THAP12: variants seen among roughly 807,000 people sequenced by gnomAD.
THAP12 encodes 52 kDa repressor of the inhibitor of the protein kinase.
In THAP12, 20 loss-of-function variants were observed where a neutral mutation model predicts 63.0. That is an observed-to-expected ratio of 0.32 (90% CI 0.22 to 0.46). THAP12 has a LOEUF of 0.46. Among genes scored for constraint, THAP12 ranks in the 20% least tolerant of loss-of-function variants. THAP12 has a pLI of 1.00. For missense variants in THAP12, 568 were observed against 908.2 expected (o/e 0.63, Z 4.81); for synonymous variants, 264 against 328.4 (o/e 0.80, Z 2.12).
intron 1 of THAP12, among the ~76,000 whole-genome samples, chr11:76,375,863 T>C (rs887891575): frequency 5.9e-5 from 9 of 152,194 alleles, no homozygotes; most frequent in East Asian, 1.9e-4. Context: ...ATGGAAACTA[T>C]CAAATACAGT....
chr11:76,379,620 C>T (rs897214649), intron 1 of THAP12, among the ~76,000 whole-genome samples: 1 of 152,192 alleles, frequency 6.6e-6, no homozygotes, highest in Admixed American at 6.5e-5. Flanking sequence ...CTTAGTGAGG[C>T]CTTCTCTAAT....
chr11:76,363,593 G>T (rs1360084605), intron 2 of THAP12, among the ~76,000 whole-genome samples: 2 of 151,758 alleles, frequency 1.3e-5, no homozygotes, highest in Non-Finnish European at 2.9e-5. Context: ...AGGGGTTTTT[G>T]TTTGTTTGTT....
rs186990980 is a variant in THAP12 at position 76,374,812 on chromosome 11, T to C, written c.89+5936A>G. 4.2e-4 allele frequency among the ~76,000 whole-genome samples: 64 copies of C among 152,284 alleles called. 1 individual carries two copies. The East Asian group carries it at 0.012, about 28-fold the overall frequency. On this transcript the variant is annotated intron_variant, in intron 1 of 4. Transcript: ENST00000260045. Reference sequence around the variant, plus strand: ...TCTGAATGTCTGCATCCCCTCAAAATTCATATTGAAACAATCCCCAGTGCA... The same window carrying C: ...TCTGAATGTCTGCATCCCCTCAAAACTCATATTGAAACAATCCCCAGTGCA...
At chr11:76,365,386 ATT>A (rs1450959507) in intron 2 of THAP12, among the ~76,000 whole-genome samples, 1 of 150,644 alleles carries the variant, frequency 6.6e-6, no homozygotes, top group Non-Finnish European at 1.5e-5. Flanking sequence ...TGTTTTAATC[ATT>A]TTGAGTTTTT....
chr11:76,379,777 T>C (rs1343663625), intron 1 of THAP12, among the ~76,000 whole-genome samples: 1 of 152,134 alleles, frequency 6.6e-6, no homozygotes, highest in Non-Finnish European at 1.5e-5. Context: ...TAGAATGTAA[T>C]CTTCATGAAA....
intron 3 of THAP12, chr11:76,358,342 C>T (rs987490961): frequency 7.2e-5 from 11 of 151,930 alleles, no homozygotes; most frequent in African/African-American, 2.4e-4. Flanking sequence ...CAATTGAATC[C>T]AATGGTATAT....
intron 4 of THAP12, among the ~76,000 whole-genome samples, 171 bp downstream of exon 4, chr11:76,355,447 A>T (rs1946554829): frequency 1.3e-5 from 2 of 152,190 alleles, no homozygotes; most frequent in Non-Finnish European, 2.9e-5. Flanking sequence ...AGACAAACTA[A>T]AATTAGACTT....
intron 2 of THAP12, among the ~76,000 whole-genome samples, chr11:76,362,559 G>C (rs1946604642): frequency 6.6e-6 from 1 of 152,166 alleles, no homozygotes; most frequent in Admixed American, 6.5e-5. Flanking sequence ...GAGTCTACTA[G>C]GGAGGCTGAA....
intron 1 of THAP12, among the ~76,000 whole-genome samples, chr11:76,372,758 C>T (rs1015728612): frequency 2.6e-5 from 4 of 151,852 alleles, no homozygotes; most frequent in Admixed American, 6.6e-5. Flanking sequence ...TGGTGGCGTG[C>T]GCCTATGGTC....
intron 1 of THAP12, among the ~76,000 whole-genome samples, chr11:76,368,885 G>C (rs773687150): frequency 6.6e-6 from 1 of 152,226 alleles, no homozygotes; most frequent in Non-Finnish European, 1.5e-5. Context: ...ACAAATGCTA[G>C]AGGAAAAGAT....
chr11:76,355,265 A>G (rs1946553501), intron 4 of THAP12, among the ~76,000 whole-genome samples: 1 of 152,222 alleles, frequency 6.6e-6, no homozygotes, highest in African/African-American at 2.4e-5. Flanking sequence ...AATTTATTAC[A>G]TACCACAACT....
In THAP12 at chr11:76,361,042, G is replaced by C. The variant is rs1946594819; in HGVS notation, c.232C>G (p.Arg78Gly). ...CRTSPYRTVL[R>G]DNAIPTIFDL... is the part of the protein sequence containing the mutation. ...AATATTGTTGGTATTGCATTATCTCGAAGAACTGTCCTATAAGGACTCTGA... is the reference window on the plus strand; with the variant it reads ...AATATTGTTGGTATTGCATTATCTCCAAGAACTGTCCTATAAGGACTCTGA... Residue 78 changes from arginine (R) to glycine (G), a missense_variant, in exon 3 of 5, where the codon CGA (arginine) becomes GGA (glycine). Arg to Gly is a moderately radical substitution (Grantham distance 125). Coordinates refer to ENST00000260045, the MANE Select transcript of THAP12 (RefSeq NM_004705.4). 1 of 1,609,704 alleles carries C rather than the reference G, an allele frequency of 6.2e-7. No individual in the cohort carries two copies. Among genetic ancestry groups the C allele is most frequent in the African/African-American group, 1.3e-5 (1 of 74,794 alleles).
chr11:76,371,810 CTTTTTT>C (rs71036086), intron 1 of THAP12, among the ~76,000 whole-genome samples: 2 of 65,768 alleles, frequency 3.0e-5, no homozygotes, highest in African/African-American at 6.1e-5. Context: ...TTTAACTTTT[CTTTTTT>C]TTTTTTTTTT....
In THAP12 at chr11:76,380,788, A is replaced by C. The variant is rs965420000; in HGVS notation, c.49T>G (p.Ser17Ala). 18 of 1,466,490 alleles carry C rather than the reference A, an allele frequency of 1.2e-5. No homozygotes were observed. The highest frequency in any genetic ancestry group is 1.6e-5 in the Non-Finnish European group (18 of 1,103,666). The allele number at this position is 1,466,490 out of a possible 1,614,324, so 90.8% of individuals were successfully genotyped here. A position where few individuals can be genotyped will look rare whatever the true frequency, so the allele number is the denominator to read the frequency against. Reference protein sequence around the residue: ...APNCTRKSTQSDLAFFRFPRD... With the variant: ...APNCTRKSTQADLAFFRFPRD... The stretch of plus-strand genomic sequence containing the variant: ...GGGAACCTGAAGAAGGCCAAGTCGG[A>C]CTGCGTGCTCTTCCGCGTGCAGTTG... Residue 17 changes from serine (S) to alanine (A), a missense_variant, in exon 1 of 5, where the codon TCC becomes GCC. Physicochemically the swap from Ser to Ala is moderately conservative, Grantham distance 99 (BLOSUM62 1). Transcript: ENST00000260045.
chr11:76,378,880 A>AT (rs1946729870), intron 1 of THAP12, among the ~76,000 whole-genome samples: 1 of 151,982 alleles, frequency 6.6e-6, no homozygotes, highest in African/African-American at 2.4e-5. Context: ...AAGTGCTGGG[A>AT]TTACAGGTGT....
intron 1 of THAP12, among the ~76,000 whole-genome samples, chr11:76,377,180 G>A (rs1356458327): frequency 2.0e-5 from 3 of 152,040 alleles, no homozygotes; most frequent in Admixed American, 2.0e-4. Flanking sequence ...TACAATTTCC[G>A]GTTTGAAAGT....
intron 2 of THAP12, 33 bp from the exon 3 acceptor site, chr11:76,361,096 G>A: frequency 7.2e-7 from 1 of 1,382,384 alleles, no homozygotes. Flanking sequence ...TTCAGAGATG[G>A]TCCTTATAAA....
chr11:76,381,032 G>A lies in THAP12; in HGVS notation c.-196C>T, dbSNP rs960607307. 5 of 238,244 alleles carry A rather than the reference G, an allele frequency of 2.1e-5. No individual in the cohort carries two copies. The highest frequency in any genetic ancestry group is 3.2e-5 in the Non-Finnish European group (4 of 126,294). 14.8% of individuals were successfully genotyped at this position (238,244 alleles called of 1,614,324 possible). A position where few individuals can be genotyped will look rare whatever the true frequency, so the allele number is the denominator to read the frequency against. ...CGGTCCGAGGCCGGGCTGGGGACGC[G>A]GCTCCACAGTGCTGTGAGCGGCCGG... On this transcript the variant is annotated 5_prime_UTR_variant, in exon 1 of 5. Transcript: ENST00000260045.
rs1289217765 is a variant in THAP12 at position 76,380,891 on chromosome 11, T to C, written c.-55A>G. 4.2e-4 allele frequency: 339 copies of C among 806,644 alleles called. 2 individuals are homozygous for C. The highest frequency in any genetic ancestry group is 5.0e-4 in the Non-Finnish European group (320 of 634,658). 50.0% of individuals were successfully genotyped at this position (806,644 alleles called of 1,614,324 possible). A position where few individuals can be genotyped will look rare whatever the true frequency, so the allele number is the denominator to read the frequency against. ...TCCCCTCCCCGCCTCCTCAGGGCAG[T>C]CCGCCCGCCCGTCGGGGCCGGGGAG... On this transcript the variant is annotated 5_prime_UTR_variant, in exon 1 of 5. Transcript: ENST00000260045.
Sources: gnomAD v4.1 joint callset for allele counts (sites outside exome capture counted in the v4.1 genomes callset) on GRCh38, gnomAD v4.1.1 for gene constraint, MANE v1.5 for transcripts, NCBI Gene and HGNC (gene_info 2026-07-23, HGNC 2026-07-21) for gene names.